The following SGSM3 variants were observed in gnomAD, a reference collection of about 807,000 sequenced individuals.
SGSM3 encodes RUN and SH3 containing 3.
In SGSM3, 96 loss-of-function variants were observed where a neutral mutation model predicts 100.5. The ratio of observed to expected loss-of-function variants is 0.96; its 90% confidence interval spans 0.81 to 1.13. The LOEUF (loss-of-function observed/expected upper bound fraction) is 1.13. Among genes scored for constraint, SGSM3 ranks in the 50% most tolerant of loss-of-function variants. SGSM3 has a pLI of 0.00. For missense variants in SGSM3, 1,001 were observed against 1,015.8 expected (o/e 0.99, Z 0.20); for synonymous variants, 483 against 422.8 (o/e 1.14, Z -1.75).
chr22:40,406,024 G>A, intron 8 of SGSM3, 54 bp from the exon 9 acceptor site: 2 of 1,593,848 alleles, frequency 1.3e-6, no homozygotes, highest in African/African-American at 1.3e-5. Flanking sequence ...GCAGTTCCGG[G>A]GAGGGAGGTT....
At chr22:40,403,125 A>C (rs963684177) in intron 4 of SGSM3, among the ~76,000 whole-genome samples, 1 of 152,250 alleles carries the variant, frequency 6.6e-6, no homozygotes, top group African/African-American at 2.4e-5. Context: ...GTTCACTGTT[A>C]CACCTTGGAA....
At position 40,409,317 on chromosome 22, in the gene SGSM3, C is replaced by T. The variant is rs765724271; in HGVS notation, c.2056C>T (p.Gln686Ter). Reference sequence around the variant, plus strand: ...CCTGCCCACCGTGGAGAAGTGGTACCAGCCCTGGTCCTTCCTGCGCAGCCC... The same window carrying T: ...CCTGCCCACCGTGGAGAAGTGGTACTAGCCCTGGTCCTTCCTGCGCAGCCC... ...SSLPTVEKWY[Q>*]PWSFLRSPGW... The change falls in exon 20 of 22, where the codon CAG (glutamine) becomes TAG (stop). Residue 686 changes from glutamine (Q) to a stop codon, truncating the protein, a stop_gained. Transcript: ENST00000248929. LOFTEE classifies it high-confidence loss of function. The T allele has an allele frequency of 6.2e-7, 1 of 1,613,232 alleles. No individual in the cohort carries two copies. The highest frequency in any genetic ancestry group is 8.5e-7 in the Non-Finnish European group (1 of 1,179,880).
chr22:40,406,631 T>C lies in SGSM3; in HGVS notation c.1154T>C (p.Leu385Pro). The C allele has an allele frequency of 6.2e-7, 1 of 1,607,496 alleles. No homozygotes were observed. The highest frequency in any genetic ancestry group is 1.7e-5 in the Admixed American group (1 of 59,822). Residue 385 changes from leucine (L) to proline (P), a missense_variant, in exon 10 of 22, where the codon CTG becomes CCG. Coordinates refer to ENST00000248929, the MANE Select transcript of SGSM3 (RefSeq NM_015705.6). ...AYLIADQGQL[L>P]GAGTLTNLSQ... Reference sequence around the variant, plus strand: ...CTCATTGCAGACCAGGGCCAGCTCCTGGGGGCCGGCACCCTCACCAACCTC... The same window carrying C: ...CTCATTGCAGACCAGGGCCAGCTCCCGGGGGCCGGCACCCTCACCAACCTC...
At chr22:40,397,413 T>A (rs982333878) in intron 1 of SGSM3, among the ~76,000 whole-genome samples, 3 of 151,452 alleles carry the variant, frequency 2.0e-5, no homozygotes, top group Non-Finnish European at 4.4e-5. Context: ...AAAAAAAAAA[T>A]ATGATAAAAT....
chr22:40,406,829 G>C lies in SGSM3; in HGVS notation c.1185+167G>C, dbSNP rs1378424124. On this transcript the variant is annotated intron_variant, in intron 10 of 21. Coordinates refer to ENST00000248929, the MANE Select transcript of SGSM3 (RefSeq NM_015705.6). ...TGTGGGGTGATCCAGGCCTCCTCAG[G>C]CTTTGTGCACCTCAGGTTCTGATCC... 3 of 851,994 alleles carry C rather than the reference G, an allele frequency of 3.5e-6. No homozygotes were observed. The African/African-American group carries it at 5.0e-5, about 14-fold the overall frequency. 52.8% of individuals were successfully genotyped at this position (851,994 alleles called of 1,614,324 possible).
intron 1 of SGSM3, among the ~76,000 whole-genome samples, chr22:40,384,476 A>G (rs966317543): frequency 1.3e-5 from 2 of 152,214 alleles, no homozygotes; most frequent in Non-Finnish European, 2.9e-5. Flanking sequence ...AAATTAAAAA[A>G]AAATTAAAAA....
chr22:40,398,247 G>A (rs906555117), intron 1 of SGSM3, among the ~76,000 whole-genome samples: 2 of 150,880 alleles, frequency 1.3e-5, no homozygotes, highest in African/African-American at 2.4e-5. Flanking sequence ...GATTACAGGC[G>A]TGAGCCACCG....
intron 1 of SGSM3, among the ~76,000 whole-genome samples, chr22:40,384,810 T>C (rs1437635574): frequency 1.3e-5 from 2 of 152,114 alleles, no homozygotes; most frequent in East Asian, 1.9e-4. Context: ...TTTTAATGTG[T>C]TGTGGTATAT....
At chr22:40,403,674 G>A (rs527687621) in intron 4 of SGSM3, among the ~76,000 whole-genome samples, 2 of 152,338 alleles carry the variant, frequency 1.3e-5, no homozygotes, top group East Asian at 1.9e-4. Flanking sequence ...AAGCAGCTGA[G>A]GGAGCGCTGG....
rs558085691 is a variant in SGSM3 at position 40,398,416 on chromosome 22, G to C, written c.-111-2280G>C. On this transcript the variant is annotated intron_variant, in intron 1 of 21. Transcript: ENST00000248929. Reference sequence around the variant, plus strand: ...GGACAGCCAAGATCAGGAAAGGGGAGGGACTCCTGAGTGGGCCTTCCCAGC... The same window carrying C: ...GGACAGCCAAGATCAGGAAAGGGGACGGACTCCTGAGTGGGCCTTCCCAGC... 5.7e-5 allele frequency among the ~76,000 whole-genome samples: 8 copies of C among 141,442 alleles called. 1 individual carries two copies. The East Asian group carries it at 1.7e-3, about 30-fold the overall frequency. The allele number at this position is 141,442 out of a possible 152,430, so 92.8% of individuals were successfully genotyped here.
In SGSM3 at chr22:40,387,175, G is replaced by T. The variant is rs116574156; in HGVS notation, c.-111-13521G>T. On this transcript the variant is annotated intron_variant, in intron 1 of 21. Coordinates refer to ENST00000248929, the MANE Select transcript of SGSM3 (RefSeq NM_015705.6). Reference sequence around the variant, plus strand: ...ATAATGCCTGTGAGTGTGCTTAGCAGTGTGATGAATGCTTAACACATATTA... The same window carrying T: ...ATAATGCCTGTGAGTGTGCTTAGCATTGTGATGAATGCTTAACACATATTA... The T allele has an allele frequency of 3.5e-3, 1,382 of 398,536 alleles. 15 individuals are homozygous for T. The highest frequency in any genetic ancestry group is 0.025 in the African/African-American group (1,223 of 48,712). 24.7% of individuals were successfully genotyped at this position (398,536 alleles called of 1,614,324 possible). A position where few individuals can be genotyped will look rare whatever the true frequency, so the allele number is the denominator to read the frequency against.
Position 40,406,956 on chromosome 22 carries a change from G to T in SGSM3, c.1186-61G>T, listed in dbSNP as rs371664340. 1.1e-3 allele frequency: 1,617 copies of T among 1,495,100 alleles called. 5 individuals are homozygous for T. Among genetic ancestry groups the T allele is most frequent in the Middle Eastern group, 4.2e-3 (24 of 5,672 alleles). 92.6% of individuals were successfully genotyped at this position (1,495,100 alleles called of 1,614,324 possible). A position where few individuals can be genotyped will look rare whatever the true frequency, so the allele number is the denominator to read the frequency against. On this transcript the variant is annotated intron_variant, in intron 10 of 21. Coordinates refer to ENST00000248929, the MANE Select transcript of SGSM3 (RefSeq NM_015705.6). ...TTCAGATGAGACAGTATAAGCCAAG[G>T]GCTGGTGGGTTCTCTTCCTCCCGGG...
At chr22:40,385,999 A>G (rs1216561210) in intron 1 of SGSM3, among the ~76,000 whole-genome samples, 2 of 150,420 alleles carry the variant, frequency 1.3e-5, no homozygotes, top group Admixed American at 1.3e-4. Context: ...CTACAGGCGC[A>G]CGCCACCATG....
At position 40,376,178 on chromosome 22, in the gene SGSM3, C is replaced by CTTTTTTTTT. The variant is rs10616868; in HGVS notation, c.-112+5514_-112+5522dup. 3.5e-4 allele frequency: 30 copies of CTTTTTTTTT among 86,868 alleles called. 1 individual carries two copies. Among genetic ancestry groups the CTTTTTTTTT allele is most frequent in the South Asian group, 1.0e-3 (2 of 1,988 alleles). 5.4% of individuals were successfully genotyped at this position (86,868 alleles called of 1,614,324 possible). ...GGATAGGGTTAAAGTCAAATTACCA[C>CTTTTTTTTT]TTTTTTTTTTTTTTTTTTTTTTTTT... On this transcript the variant is annotated intron_variant, in intron 1 of 21. Transcript: ENST00000248929.
At chr22:40,380,152 C>T (rs2047320488) in intron 1 of SGSM3, among the ~76,000 whole-genome samples, 1 of 152,128 alleles carries the variant, frequency 6.6e-6, no homozygotes, top group Non-Finnish European at 1.5e-5. Context: ...TAGTGAAGTG[C>T]TGTCCAAGAG....
intron 1 of SGSM3, among the ~76,000 whole-genome samples, chr22:40,381,064 G>A (rs2146801075): frequency 6.6e-6 from 1 of 152,330 alleles, no homozygotes; most frequent in Middle Eastern, 3.4e-3. Context: ...ATATTGGGAA[G>A]AACGAAGTAA....
rs1018167924 is a variant in SGSM3, at chr22:40,409,817, C to G, written c.*58C>G. The G allele has an allele frequency of 1.3e-6, 2 of 1,575,350 alleles. No individual in the cohort carries two copies. The highest frequency in any genetic ancestry group is 2.7e-5 in the African/African-American group (2 of 74,124). On this transcript the variant is annotated 3_prime_UTR_variant, in exon 22 of 22. Transcript: ENST00000248929. ...GTCTGAGGTGGCCCAGGACCCCAAG[C>G]TGCAGAGCCCAGGGAAGAGCAGCTC... is the stretch of plus-strand genomic sequence containing the variant.
chr22:40,404,716 G>A (rs1569205452), intron 6 of SGSM3, 52 bp downstream of exon 6: 1 of 1,297,604 alleles, frequency 7.7e-7, no homozygotes, highest in Non-Finnish European at 1.1e-6. Context: ...TGGGCTCGCA[G>A]GAGAGAGGGA....
rs748201975 is a variant in SGSM3, at chr22:40,406,063, C to A, written c.815-15C>A. 1 of 1,610,158 alleles carries A rather than the reference C, an allele frequency of 6.2e-7. No homozygotes were observed. The highest frequency in any genetic ancestry group is 1.1e-5 in the South Asian group (1 of 90,946). ...ACCACCTCCTCCCCAGCGGCTTTGG[C>A]TCCTGTGTTTACAGAGCTGTCCCTG... On this transcript the variant is annotated splice_polypyrimidine_tract_variant and intron_variant, in intron 8 of 21. Transcript: ENST00000248929.
Sources: gnomAD v4.1 joint callset for allele counts (sites outside exome capture counted in the v4.1 genomes callset) on GRCh38, gnomAD v4.1.1 for gene constraint, MANE v1.5 for transcripts, NCBI Gene and HGNC (gene_info 2026-07-23, HGNC 2026-07-21) for gene names.